Variants in ZFP91 observed in about 807,000 individuals in gnomAD.
The protein encoded by ZFP91 is E3 ubiquitin-protein ligase ZFP91.
Under a neutral mutation model 63.5 loss-of-function variants are expected in ZFP91, and 7 were observed. The ratio of observed to expected loss-of-function variants is 0.11; its 90% confidence interval spans 0.06 to 0.21. The LOEUF (loss-of-function observed/expected upper bound fraction) is 0.21, where lower values mean the gene tolerates loss of function less well. Among genes scored for constraint, ZFP91 ranks in the 10% least tolerant of loss-of-function variants. The pLI is 1.00. For synonymous variants in ZFP91, 330 were observed against 272.1 expected (o/e 1.21, Z -2.10); for missense variants, 628 against 736.6 (o/e 0.85, Z 1.71).
chr11:58,580,813 T>C (rs1383243711), intron 1 of ZFP91, among the ~76,000 whole-genome samples: 1 of 152,230 alleles, frequency 6.6e-6, no homozygotes, highest in African/African-American at 2.4e-5. Context: ...TTAGAGAATT[T>C]GTTGTAAGAA....
At chr11:58,582,124 T>TAG (rs1397756175) in intron 1 of ZFP91, among the ~76,000 whole-genome samples, 1 of 152,200 alleles carries the variant, frequency 6.6e-6, no homozygotes, top group Non-Finnish European at 1.5e-5. Flanking sequence ...GGTACTATGC[T>TAG]GAACTAGGTG....
In ZFP91 at chr11:58,618,429, T is replaced by G; in HGVS notation, c.*723T>G. On this transcript the variant is annotated 3_prime_UTR_variant, in exon 11 of 11. Coordinates refer to ENST00000316059, the MANE Select transcript of ZFP91 (RefSeq NM_053023.5). ...GCTCCCAATAGGGAGGGGGCTGCCC[T>G]CTACAGTCTCTTTGACTGTAAGACA... 1 of 323,592 alleles carries G rather than the reference T, an allele frequency of 3.1e-6. No homozygotes were observed. Among genetic ancestry groups the G allele is most frequent in the Non-Finnish European group, 6.0e-6 (1 of 166,270 alleles). The allele number at this position is 323,592 out of a possible 1,614,324, so 20.0% of individuals were successfully genotyped here.
rs1855760052 is a variant in ZFP91, at chr11:58,617,039, C to T, written c.1203-157C>T. On this transcript the variant is annotated intron_variant, in intron 10 of 10. Transcript: ENST00000316059. This position sits in a 1 kb window ranked among gnomAD's most constrained non-coding sequence, Gnocchi z 4.2. The stretch of plus-strand genomic sequence containing the variant: ...TAGTTTTCCATCTAGTAACATTTCC[C>T]AATCCTTCAAAAGAAGTATGTTACT... Among the ~76,000 whole-genome samples the T allele has an allele frequency of 4.6e-5, 7 of 151,574 alleles. No homozygotes were observed. The highest frequency in any genetic ancestry group is 4.6e-4 in the Admixed American group (7 of 15,192).
intron 2 of ZFP91, among the ~76,000 whole-genome samples, chr11:58,592,218 G>T (rs1487503827): frequency 6.6e-6 from 1 of 151,568 alleles, no homozygotes; most frequent in African/African-American, 2.4e-5. Flanking sequence ...GATTAGCTGG[G>T]ATTAGAGGTG....
rs746296843 is a variant in ZFP91 at position 58,614,190 on chromosome 11, A to G, written c.988-39A>G. 2.2e-5 allele frequency: 23 copies of G among 1,050,624 alleles called. 1 individual carries two copies. Among genetic ancestry groups the G allele is most frequent in the South Asian group, 1.2e-4 (7 of 56,790 alleles). The allele number at this position is 1,050,624 out of a possible 1,614,324, so 65.1% of individuals were successfully genotyped here. On this transcript the variant is annotated intron_variant, in intron 8 of 10. Transcript: ENST00000316059. The stretch of plus-strand genomic sequence containing the variant: ...AGACAAGTACTTTCAGGAAGCCTTA[A>G]TTTTTTTTTTTTCGCCCCTTTCACT...
chr11:58,608,390 T>C (rs1356652747), intron 2 of ZFP91, among the ~76,000 whole-genome samples: 3 of 151,994 alleles, frequency 2.0e-5, no homozygotes, highest in East Asian at 2.0e-4. Flanking sequence ...TATATACATT[T>C]ATAATTTTGA....
intron 6 of ZFP91, 27 bp from the exon 7 acceptor site, chr11:58,612,251 C>G: frequency 6.2e-7 from 1 of 1,611,972 alleles, no homozygotes; most frequent in Non-Finnish European, 8.5e-7. Flanking sequence ...CAGAATATGT[C>G]TACTGTTACC....
chr11:58,584,905 C>T (rs767905702), intron 2 of ZFP91, 21 bp downstream of exon 2: 2 of 1,502,632 alleles, frequency 1.3e-6, no homozygotes, highest in African/African-American at 1.5e-5. Flanking sequence ...GTCATCCTTA[C>T]CTCTAGCGTA....
intron 2 of ZFP91, among the ~76,000 whole-genome samples, chr11:58,588,628 C>T (rs1855251412): frequency 1.3e-5 from 2 of 152,024 alleles, no homozygotes; most frequent in South Asian, 4.1e-4. Context: ...TCTCTTGTAT[C>T]CCATTCATCT....
At position 58,619,731 on chromosome 11, in the gene ZFP91, G is replaced by GAAAATGGAAT. The variant is rs1049622682; in HGVS notation, c.*2029_*2038dup. The GAAAATGGAAT allele has an allele frequency of 6.6e-6, 1 of 152,576 alleles. No homozygotes were observed. The highest frequency in any genetic ancestry group is 2.4e-5 in the African/African-American group (1 of 41,424). 9.5% of individuals were successfully genotyped at this position (152,576 alleles called of 1,614,324 possible). A position where few individuals can be genotyped will look rare whatever the true frequency, so the allele number is the denominator to read the frequency against. On this transcript the variant is annotated 3_prime_UTR_variant, in exon 11 of 11. Coordinates refer to ENST00000316059, the MANE Select transcript of ZFP91 (RefSeq NM_053023.5). ...GCCATTTCTCCATAATATGGGGATA[G>GAAAATGGAAT]AAAATGGAATAAAGATAGAAGGGAT... is the stretch of plus-strand genomic sequence containing the variant.
intron 2 of ZFP91, among the ~76,000 whole-genome samples, chr11:58,602,771 A>G (rs1855511306): frequency 6.6e-6 from 1 of 152,206 alleles, no homozygotes; most frequent in Admixed American, 6.5e-5. Context: ...TGGGCTATGA[A>G]AAAGTACCTA....
chr11:58,584,881 A>G lies in ZFP91; in HGVS notation c.367A>G (p.Lys123Glu). 6.5e-7 allele frequency: 1 copy of G among 1,529,674 alleles called. No individual in the cohort carries two copies. The highest frequency in any genetic ancestry group is 8.7e-7 in the Non-Finnish European group (1 of 1,147,590). The allele number at this position is 1,529,674 out of a possible 1,614,324, so 94.8% of individuals were successfully genotyped here. A position where few individuals can be genotyped will look rare whatever the true frequency, so the allele number is the denominator to read the frequency against. Residue 123 changes from lysine (K) to glutamate (E), a missense_variant, in exon 2 of 11, where the codon AAA becomes GAA. By Grantham distance (56) the Lys-to-Glu change is moderately conservative (BLOSUM62 1). This residue lies in a region of ZFP91 where 437 missense variants were observed against 380.3 expected (regional missense o/e 1.15). Transcript: ENST00000316059. ...LLCIEKVTTD[K>E]DPKEEKEEED... is the part of the protein sequence containing the mutation. Reference sequence around the variant, plus strand: ...ATGCATAGAAAAAGTAACAACTGATAAAGGTAAGACTTGGTCATCCTTACC... The same window carrying G: ...ATGCATAGAAAAAGTAACAACTGATGAAGGTAAGACTTGGTCATCCTTACC...
chr11:58,599,458 A>G (rs561060644), intron 2 of ZFP91, among the ~76,000 whole-genome samples: 3 of 152,234 alleles, frequency 2.0e-5, no homozygotes, highest in South Asian at 2.1e-4. Flanking sequence ...TCCACCAGCA[A>G]TAAACAATGG....
chr11:58,618,594 C>CT lies in ZFP91; in HGVS notation c.*891dup, dbSNP rs1855793193. 1 of 406,944 alleles carries CT rather than the reference C, an allele frequency of 2.5e-6. No homozygotes were observed. The highest frequency in any genetic ancestry group is 4.8e-6 in the Non-Finnish European group (1 of 208,812). The allele number at this position is 406,944 out of a possible 1,614,324, so 25.2% of individuals were successfully genotyped here. A position where few individuals can be genotyped will look rare whatever the true frequency, so the allele number is the denominator to read the frequency against. The stretch of plus-strand genomic sequence containing the variant: ...AAGTCTGATTTTTTTTTTTTGGAGT[C>CT]TTTGTTGCTATATTTTGTGGGGCTG... On this transcript the variant is annotated 3_prime_UTR_variant, in exon 11 of 11. Coordinates refer to ENST00000316059, the MANE Select transcript of ZFP91 (RefSeq NM_053023.5).
At chr11:58,592,079 CTTTT>C (rs34964779) in intron 2 of ZFP91, among the ~76,000 whole-genome samples, 1 of 108,394 alleles carries the variant, frequency 9.2e-6, no homozygotes, top group Non-Finnish European at 1.9e-5. Context: ...CTGAGCACAT[CTTTT>C]TTTTTTTTTT....
intron 2 of ZFP91, among the ~76,000 whole-genome samples, chr11:58,602,610 C>T (rs1364715557): frequency 6.6e-6 from 1 of 152,116 alleles, no homozygotes; most frequent in Non-Finnish European, 1.5e-5. Flanking sequence ...GCCACCTTTA[C>T]GAGTTGAATT....
intron 6 of ZFP91, 180 bp from the exon 7 acceptor site, chr11:58,612,098 A>G: frequency 1.6e-6 from 1 of 636,762 alleles, no homozygotes; most frequent in Non-Finnish European, 2.7e-6. Flanking sequence ...TTGAAAGTGA[A>G]ATTACTTCAG....
intron 2 of ZFP91, among the ~76,000 whole-genome samples, chr11:58,600,033 G>A (rs1590620890): frequency 6.6e-6 from 1 of 152,186 alleles, no homozygotes; most frequent in East Asian, 1.9e-4. Flanking sequence ...AATTCAGTTA[G>A]TTGATTCAAT....
intron 10 of ZFP91, 103 bp downstream of exon 10, chr11:58,616,918 C>A: frequency 8.9e-7 from 1 of 1,123,536 alleles, no homozygotes; most frequent in Non-Finnish European, 1.3e-6. Flanking sequence ...TGTTTACTTT[C>A]ATCAAATAAA....
Sources: allele counts gnomAD v4.1 joint callset (sites outside exome capture counted in the v4.1 genomes callset), GRCh38; gene constraint gnomAD v4.1.1; regional missense constraint gnomAD v4.1.1; non-coding constraint Gnocchi (gnomAD v3.1); transcripts MANE v1.5; gene names NCBI Gene and HGNC (gene_info 2026-07-23, HGNC 2026-07-21).